ACOT1: variants seen among roughly 807,000 people sequenced by gnomAD.
ACOT1 encodes acyl-coenzyme A thioesterase 1.
Under a neutral mutation model 15.7 loss-of-function variants are expected in ACOT1, and 8 were observed. The ratio of observed to expected loss-of-function variants is 0.51; its 90% CI spans 0.30 to 0.92. The LOEUF (loss-of-function observed/expected upper bound fraction) is 0.92, where lower values mean the gene tolerates loss of function less well. Among genes scored for constraint, ACOT1 ranks in the 40% least tolerant of loss-of-function variants. The pLI, the probability that ACOT1 is intolerant of heterozygous loss-of-function variation, is 0.06. For synonymous variants in ACOT1, 67 were observed against 241.2 expected (o/e 0.28, Z 6.69); for missense variants, 151 against 539.4 (o/e 0.28, Z 7.13).
the ACOT1 span, chr14:73,523,262 A>G: frequency 9.0e-7 from 1 of 1,114,814 alleles, no homozygotes; most frequent in South Asian, 1.6e-5. Flanking sequence ...AGAACTCTAG[A>G]GCAGCAGAAA....
At chr14:73,512,115 C>G in the ACOT1 span, 1 of 1,614,186 alleles carries the variant, frequency 6.2e-7, no homozygotes, top group Non-Finnish European at 8.5e-7. Flanking sequence ...AGCTCTGAAG[C>G]AGGTTCTCTA....
the ACOT1 span, among the ~76,000 whole-genome samples, chr14:73,524,337 T>TATATA: frequency 8.6e-6 from 1 of 116,798 alleles, no homozygotes; most frequent in Non-Finnish European, 1.8e-5. Flanking sequence ...ATATATATAT[T>TATATA]ATAGCTGTAA....
the ACOT1 span, among the ~76,000 whole-genome samples, chr14:73,517,831 G>A: frequency 6.6e-6 from 1 of 152,092 alleles, no homozygotes; most frequent in African/African-American, 2.4e-5. Flanking sequence ...GCTCACGCCT[G>A]TAATCCCAGC....
upstream of ACOT1, among the ~76,000 whole-genome samples, chr14:73,534,675 T>C (rs1888805419): frequency 8.8e-6 from 1 of 114,054 alleles, no homozygotes; most frequent in Non-Finnish European, 1.9e-5. Context: ...GGTAACACAG[T>C]GAGACACCCC....
At chr14:73,522,051 G>T in the ACOT1 span, among the ~76,000 whole-genome samples, 1 of 152,198 alleles carries the variant, frequency 6.6e-6, no homozygotes. Context: ...ATCCCATAAT[G>T]AACAGGGCAG....
chr14:73,514,208 G>A, the ACOT1 span: 20 of 1,614,018 alleles, frequency 1.2e-5, no homozygotes, highest in East Asian at 2.2e-5. Context: ...GCAGTCCAGC[G>A]CAGGGCTCCT....
chr14:73,512,096 G>C, the ACOT1 span: 4 of 1,614,028 alleles, frequency 2.5e-6, no homozygotes, highest in African/African-American at 2.7e-5. Flanking sequence ...TCATCATGCA[G>C]GTCTCCCAAG....
the ACOT1 span, among the ~76,000 whole-genome samples, chr14:73,506,825 T>C: frequency 4.8e-5 from 6 of 126,202 alleles, no homozygotes; most frequent in South Asian, 2.4e-4. Flanking sequence ...TTTTTTTTTT[T>C]CTGAGAAGGT....
the ACOT1 span, among the ~76,000 whole-genome samples, chr14:73,524,310 A>AAAAAAAAAATATATATATATAT: frequency 1.8e-5 from 1 of 54,774 alleles, no homozygotes; most frequent in Non-Finnish European, 3.1e-5. Context: ...AAAAAAAAAA[A>AAAAAAAAAATATATATATATAT]ATATATATAT....
chr14:73,507,765 CAG>C, the ACOT1 span, among the ~76,000 whole-genome samples: 2 of 151,860 alleles, frequency 1.3e-5, no homozygotes, highest in South Asian at 2.1e-4. Context: ...TTGTTTGAGA[CAG>C]AGTCTTGCTC....
the ACOT1 span, chr14:73,506,570 G>T: frequency 6.2e-7 from 1 of 1,611,162 alleles, no homozygotes. Flanking sequence ...GTGTATCAGG[G>T]TCTGAGGAAA....
the ACOT1 span, chr14:73,508,278 G>T: frequency 6.2e-7 from 1 of 1,613,850 alleles, no homozygotes. Flanking sequence ...CTGCAGCCCA[G>T]CTATCCACAC....
At chr14:73,525,413 A>G in the ACOT1 span, among the ~76,000 whole-genome samples, 1 of 152,122 alleles carries the variant, frequency 6.6e-6, no homozygotes, top group African/African-American at 2.4e-5. Flanking sequence ...TTAATATGCT[A>G]TCACTCCAGG....
At chr14:73,502,883 A>G in the ACOT1 span, 1 of 1,593,234 alleles carries the variant, frequency 6.3e-7, no homozygotes, top group South Asian at 1.1e-5. Context: ...CCTCATGTTG[A>G]CTGGGTCTTA....
At chr14:73,499,007 A>G in the ACOT1 span, 1 of 1,410,148 alleles carries the variant, frequency 7.1e-7, no homozygotes, top group South Asian at 1.1e-5. Context: ...TCAGGGGATC[A>G]TTTCTACTTG....
At chr14:73,523,455 G>A in the ACOT1 span, among the ~76,000 whole-genome samples, 2 of 152,162 alleles carry the variant, frequency 1.3e-5, no homozygotes, top group Non-Finnish European at 2.9e-5. Flanking sequence ...CCTCATCTCC[G>A]TGTGAGGGAT....
the ACOT1 span, among the ~76,000 whole-genome samples, chr14:73,512,380 A>C: frequency 5.9e-5 from 9 of 152,200 alleles, no homozygotes; most frequent in South Asian, 4.1e-4. Context: ...CATCGTATCT[A>C]TCTCTCTTTC....
chr14:73,491,135 C>G, the ACOT1 span: 4 of 1,607,420 alleles, frequency 2.5e-6, no homozygotes, highest in African/African-American at 1.3e-5. Flanking sequence ...CAGGAAGATA[C>G]GAAAGCAGCT....
At chr14:73,495,060 A>C in the ACOT1 span, among the ~76,000 whole-genome samples, 1 of 86,874 alleles carries the variant, frequency 1.2e-5, no homozygotes, top group East Asian at 2.8e-4. Context: ...AAACAAACAA[A>C]CAAAAAAAAA....
Sources: gnomAD v4.1 joint callset for allele counts (sites outside exome capture counted in the v4.1 genomes callset) on GRCh38, gnomAD v4.1.1 for gene constraint, MANE v1.5 for transcripts, NCBI Gene and HGNC (gene_info 2026-07-23, HGNC 2026-07-21) for gene names.